Variants in PDGFB observed in about 807,000 individuals in gnomAD.
The protein encoded by PDGFB is platelet derived growth factor subunit B.
A neutral mutation model predicts 29.0 loss-of-function variants in PDGFB; 6 were observed. The observed-to-expected ratio is 0.21, with a 90% CI of 0.11 to 0.41. The LOEUF (loss-of-function observed/expected upper bound fraction) is 0.41, where lower values mean the gene tolerates loss of function less well. Among genes scored for constraint, PDGFB ranks in the 10% least tolerant of loss-of-function variants. PDGFB has a pLI of 1.00. For synonymous variants in PDGFB, 144 were observed against 140.8 expected, an observed-to-expected ratio of 1.02 and a Z score of -0.16; for missense variants, 299 against 341.8, an observed-to-expected ratio of 0.87 and a Z score of 0.99.
chr22:39,225,778 C>T lies in PDGFB; in HGVS notation c.671G>A (p.Arg224Gln), dbSNP rs752475106. 1.8e-5 allele frequency: 29 copies of T among 1,614,052 alleles called. 1 individual carries two copies. The South Asian group carries it at 1.9e-4, about 10-fold the overall frequency. The change falls in exon 6 of 7, where the codon CGG (arginine) becomes CAG (glutamine). Residue 224 changes from arginine to glutamine, a missense_variant. Arg to Gln is a conservative substitution (Grantham distance 43). Transcript: ENST00000331163. ...RVRRPPKGKHRKFKHTHDKTA... is the reference protein window; with the variant it reads ...RVRRPPKGKHQKFKHTHDKTA... ...CTTGTCATGCGTGTGCTTGAATTTC[C>T]GGTGCTTGCCCTTGGGGGGCCGGCG...
chr22:39,230,940 G>A (rs1282757886), intron 4 of PDGFB, among the ~76,000 whole-genome samples: 1 of 152,218 alleles, frequency 6.6e-6, no homozygotes, highest in African/African-American at 2.4e-5. Context: ...CTCTGACTCT[G>A]CCCCGACTAG....
At chr22:39,229,566 C>T (rs1032486901) in intron 5 of PDGFB, among the ~76,000 whole-genome samples, 12 of 152,186 alleles carry the variant, frequency 7.9e-5, no homozygotes, top group Admixed American at 3.3e-4. Flanking sequence ...TTGATGTGCG[C>T]GGAGCTTTCT....
intron 3 of PDGFB, among the ~76,000 whole-genome samples, chr22:39,232,123 C>G (rs973286363): frequency 1.3e-5 from 2 of 152,228 alleles, no homozygotes; most frequent in African/African-American, 4.8e-5. Context: ...TAGTAAATGT[C>G]CGCTTCCCTC....
intron 5 of PDGFB, among the ~76,000 whole-genome samples, chr22:39,228,754 T>C (rs1404166511): frequency 2.0e-5 from 3 of 151,816 alleles, no homozygotes; most frequent in African/African-American, 7.3e-5. Flanking sequence ...CCGGGTGTAG[T>C]GGCATGTGTC....
In PDGFB at chr22:39,224,814, AGG is replaced by A; in HGVS notation, c.*526_*527del. ...GTGACTGGTGTTTGGGCACCGTGGG[AGG>A]GGTTTTCTCCAGTCTGTGTGCCCGT... On this transcript the variant is annotated 3_prime_UTR_variant, in exon 7 of 7. Transcript: ENST00000331163. 1 of 152,408 alleles carries A rather than the reference AGG, an allele frequency of 6.6e-6. No homozygotes were observed. Among genetic ancestry groups the A allele is most frequent in the East Asian group, 1.9e-4 (1 of 5,310 alleles). The allele number at this position is 152,408 out of a possible 1,614,324, so 9.4% of individuals were successfully genotyped here. A position where few individuals can be genotyped will look rare whatever the true frequency, so the allele number is the denominator to read the frequency against.
At position 39,242,784 on chromosome 22, in the gene PDGFB, G is replaced by A; in HGVS notation, c.63+1117C>T. The A allele has an allele frequency of 4.3e-6, 1 of 230,954 alleles. No homozygotes were observed. Among genetic ancestry groups the A allele is most frequent in the Non-Finnish European group, 8.6e-6 (1 of 116,472 alleles). 14.3% of individuals were successfully genotyped at this position (230,954 alleles called of 1,614,324 possible). ...GAGGCCGCAGGGGCCGACCCTCCCC[G>A]GGAGCCGGCGAGGTGCGGGCGAGGT... On this transcript the variant is annotated intron_variant, in intron 1 of 6. Coordinates refer to ENST00000331163, the MANE Select transcript of PDGFB (RefSeq NM_002608.4). This position sits in a 1 kb window ranked among gnomAD's most constrained non-coding sequence, Gnocchi z 5.7.
intron 3 of PDGFB, among the ~76,000 whole-genome samples, chr22:39,232,979 G>A (rs552852469): frequency 2.0e-5 from 3 of 152,298 alleles, no homozygotes; most frequent in Non-Finnish European, 4.4e-5. Flanking sequence ...GGCTTTGCTC[G>A]AGGTCTACCA....
chr22:39,244,823 T>C lies in PDGFB; in HGVS notation c.-860A>G, dbSNP rs964871952. On this transcript the variant is annotated 5_prime_UTR_variant, in exon 1 of 7. Coordinates refer to ENST00000331163, the MANE Select transcript of PDGFB (RefSeq NM_002608.4). The surrounding 1 kb of genome is among the most constrained non-coding windows in gnomAD (Gnocchi z 4.5). ...GGGCTTTTTTTTTTTTTTTTCCTTT[T>C]TGCGCGCGTATGTATGTGTGTGCGC... 7 of 191,942 alleles carry C rather than the reference T, an allele frequency of 3.6e-5. No homozygotes were observed. Among genetic ancestry groups the C allele is most frequent in the Non-Finnish European group, 7.6e-5 (7 of 92,442 alleles). The allele number at this position is 191,942 out of a possible 1,614,324, so 11.9% of individuals were successfully genotyped here. A position where few individuals can be genotyped will look rare whatever the true frequency, so the allele number is the denominator to read the frequency against.
At chr22:39,235,435 G>C (rs1344341235) in intron 2 of PDGFB, among the ~76,000 whole-genome samples, 1 of 152,138 alleles carries the variant, frequency 6.6e-6, no homozygotes. Flanking sequence ...GCGGGGAGAT[G>C]ACTCCTCCAG....
intron 2 of PDGFB, among the ~76,000 whole-genome samples, chr22:39,235,294 GC>G: frequency 6.6e-6 from 1 of 152,314 alleles, no homozygotes; most frequent in Middle Eastern, 3.4e-3. Context: ...CAGCCCGCCA[GC>G]CCCGCCACGT....
chr22:39,238,369 G>C (rs373174679), intron 1 of PDGFB, among the ~76,000 whole-genome samples: 100 of 152,136 alleles, frequency 6.6e-4, no homozygotes, highest in African/African-American at 2.4e-3. Flanking sequence ...CTTTTAATCT[G>C]AGCAGGGAGA....
intron 5 of PDGFB, among the ~76,000 whole-genome samples, chr22:39,227,184 CCT>C: frequency 6.6e-6 from 1 of 152,044 alleles, no homozygotes; most frequent in African/African-American, 2.4e-5. Context: ...GTCTTGAACT[CCT>C]GACCTCAAGT....
chr22:39,238,967 C>T (rs563098183), intron 1 of PDGFB, among the ~76,000 whole-genome samples: 1 of 152,372 alleles, frequency 6.6e-6, no homozygotes, highest in South Asian at 2.1e-4. Context: ...GGCTGAGAAA[C>T]CCTGTAGCGG....
rs1932653361 is a variant in PDGFB at position 39,244,732 on chromosome 22, G to GGCTGCAA, written c.-770_-769insTTGCAGC. On this transcript the variant is annotated 5_prime_UTR_variant, in exon 1 of 7. Transcript: ENST00000331163. The surrounding 1 kb of genome is among the most constrained non-coding windows in gnomAD (Gnocchi z 4.5). ...CTCTGGGCGTCCTCTGCGGGCTGCG[G>GGCTGCAA]GCTGCGAGCTGCGAGCTGCGAGCTG... The GGCTGCAA allele has an allele frequency of 5.3e-6, 1 of 187,078 alleles. No individual in the cohort carries two copies. Among genetic ancestry groups the GGCTGCAA allele is most frequent in the South Asian group, 1.9e-4 (1 of 5,150 alleles). The allele number at this position is 187,078 out of a possible 1,614,324, so 11.6% of individuals were successfully genotyped here. A position where few individuals can be genotyped will look rare whatever the true frequency, so the allele number is the denominator to read the frequency against.
Position 39,235,860 on chromosome 22 carries a change from G to A in PDGFB, c.78C>T (p.Pro26=), listed in dbSNP as rs751467053. The A allele has an allele frequency of 1.6e-5, 26 of 1,613,290 alleles. No homozygotes were observed. The highest frequency in any genetic ancestry group is 1.1e-4 in the African/African-American group (8 of 74,920). ...RLVSAEGDPI[P]EELYEMLSDH... ...CACTCAGCATCTCATAAAGCTCCTC[G>A]GGAATGGGGTCCCCCTGCCGGGCAG... The change falls in exon 2 of 7, where the codon CCC becomes CCT. Residue 26 remains proline (P), a synonymous_variant. Coordinates refer to ENST00000331163, the MANE Select transcript of PDGFB (RefSeq NM_002608.4).
chr22:39,224,398 T>A lies in PDGFB; in HGVS notation c.*944A>T, dbSNP rs1426720790. 1 of 152,466 alleles carries A rather than the reference T, an allele frequency of 6.6e-6. No homozygotes were observed. The highest frequency in any genetic ancestry group is 1.5e-5 in the Non-Finnish European group (1 of 68,086). The allele number at this position is 152,466 out of a possible 1,614,324, so 9.4% of individuals were successfully genotyped here. A position where few individuals can be genotyped will look rare whatever the true frequency, so the allele number is the denominator to read the frequency against. ...CAGTCGTGGCTGGGTTGGAATATGA[T>A]GAGCAGGTCCCTTGCTGCCCTGGCC... On this transcript the variant is annotated 3_prime_UTR_variant, in exon 7 of 7. Coordinates refer to ENST00000331163, the MANE Select transcript of PDGFB (RefSeq NM_002608.4).
At position 39,231,213 on chromosome 22, in the gene PDGFB, G is replaced by A. The variant is rs1015591496; in HGVS notation, c.456+409C>T. ...GCCTTTCTCAAGACAGCCCTGAATAGGGAGAGCTTTGGGGGAACCTGAGTA... is the reference window on the plus strand; with the variant it reads ...GCCTTTCTCAAGACAGCCCTGAATAAGGAGAGCTTTGGGGGAACCTGAGTA... On this transcript the variant is annotated intron_variant, in intron 4 of 6. Transcript: ENST00000331163. The surrounding 1 kb of genome is among the most constrained non-coding windows in gnomAD (Gnocchi z 4.3). Among the ~76,000 whole-genome samples, 11 of 152,222 alleles carry A rather than the reference G, an allele frequency of 7.2e-5. No homozygotes were observed. The highest frequency in any genetic ancestry group is 2.7e-4 in the African/African-American group (11 of 41,462).
intron 3 of PDGFB, among the ~76,000 whole-genome samples, chr22:39,232,592 CA>C (rs1205774950): frequency 6.6e-6 from 1 of 152,100 alleles, no homozygotes; most frequent in Non-Finnish European, 1.5e-5. Context: ...CTGGTTCAAG[CA>C]ATTCTCCTGC....
chr22:39,235,896 G>A (rs761627600), intron 1 of PDGFB, 22 bp from the exon 2 acceptor site: 1 of 1,535,276 alleles, frequency 6.5e-7, no homozygotes, highest in Non-Finnish European at 9.0e-7. Context: ...ACACCAAAAG[G>A]CTGAGTGAGC....
Sources: gnomAD v4.1 joint callset for allele counts (sites outside exome capture counted in the v4.1 genomes callset) on GRCh38, gnomAD v4.1.1 for gene constraint, Gnocchi (gnomAD v3.1) non-coding constraint, MANE v1.5 for transcripts, NCBI Gene and HGNC (gene_info 2026-07-23, HGNC 2026-07-21) for gene names.